Variants in KCNQ3 observed in about 807,000 individuals in gnomAD.
KCNQ3 encodes the protein potassium voltage-gated channel subfamily KQT member 3.
KCNQ3 carries 30 observed loss-of-function variants against 92.5 expected under a neutral mutation model. That is an observed-to-expected ratio of 0.32 (90% CI 0.24 to 0.44). The LOEUF is 0.44. Among genes scored for constraint, KCNQ3 ranks in the 20% least tolerant of loss-of-function variants. KCNQ3 has a pLI of 1.00. For synonymous variants in KCNQ3, 450 were observed against 468.8 expected, an observed-to-expected ratio of 0.96 and a Z score of 0.52; for missense variants, 913 against 1,140.3, an observed-to-expected ratio of 0.80 and a Z score of 2.87.
Position 132,275,993 on chromosome 8 carries a change from C to T in KCNQ3, c.387-89812G>A, listed in dbSNP as rs1295304010. Among the ~76,000 whole-genome samples the T allele has an allele frequency of 4.6e-5, 7 of 152,064 alleles. No homozygotes were observed. In the South Asian group the frequency reaches 1.5e-3, roughly 32 times the overall value. ...CTAGTACAAACTATGATTTACTGAC[C>T]ACTTACTAGGGGTCGCTACACATCA... is the stretch of plus-strand genomic sequence containing the variant. On this transcript the variant is annotated intron_variant, in intron 1 of 14. Transcript: ENST00000388996.
intron 1 of KCNQ3, among the ~76,000 whole-genome samples, chr8:132,337,310 G>C (rs1818390876): frequency 6.6e-6 from 1 of 152,144 alleles, no homozygotes; most frequent in Non-Finnish European, 1.5e-5. Flanking sequence ...GCAATAAAGT[G>C]AGAGCAATAA....
intron 1 of KCNQ3, among the ~76,000 whole-genome samples, chr8:132,333,214 A>G (rs936864481): frequency 2.1e-4 from 32 of 152,354 alleles, no homozygotes; most frequent in Middle Eastern, 3.4e-3. Flanking sequence ...GGCCTAAAGC[A>G]GAGCAAGCCT....
chr8:132,339,448 G>A (rs1818458252), intron 1 of KCNQ3, among the ~76,000 whole-genome samples: 1 of 152,012 alleles, frequency 6.6e-6, no homozygotes, highest in African/African-American at 2.4e-5. Flanking sequence ...ATGTACCATG[G>A]TCAGCTTCTT....
rs528696042 is a variant in KCNQ3, at chr8:132,387,977, A to G, written c.386+92170T>C. Among the ~76,000 whole-genome samples, 708 of 108,252 alleles carry G rather than the reference A, an allele frequency of 6.5e-3. 7 individuals carry two copies. Among genetic ancestry groups the G allele is most frequent in the African/African-American group, 0.027 (623 of 23,026 alleles). 71.0% of individuals were successfully genotyped at this position (108,252 alleles called of 152,430 possible). On this transcript the variant is annotated intron_variant, in intron 1 of 14. Coordinates refer to ENST00000388996, the MANE Select transcript of KCNQ3 (RefSeq NM_004519.4). ...GGAGAAGAAGAAGAAGAAGGAGGAG[A>G]AGAGGAAGAGGAAGAGGAAGAAGAA...
intron 14 of KCNQ3, 84 bp downstream of exon 14, chr8:132,132,096 A>AAAG: frequency 2.0e-6 from 2 of 1,009,474 alleles, no homozygotes; most frequent in Non-Finnish European, 3.1e-6. Flanking sequence ...TTAAAAAAAA[A>AAAG]AAAGAAAGAA....
chr8:132,384,001 A>C (rs1819828616), intron 1 of KCNQ3, among the ~76,000 whole-genome samples: 1 of 148,764 alleles, frequency 6.7e-6, no homozygotes, highest in Non-Finnish European at 1.5e-5. Flanking sequence ...GCACTTTGTC[A>C]GGCCTAACTA....
At chr8:132,200,271 C>T (rs1237300489) in intron 1 of KCNQ3, among the ~76,000 whole-genome samples, 1 of 152,126 alleles carries the variant, frequency 6.6e-6, no homozygotes, top group Non-Finnish European at 1.5e-5. Context: ...CTATGGCATT[C>T]TGCTCATTTT....
At chr8:132,186,588 A>C (rs911879537) in intron 1 of KCNQ3, 3 of 322,178 alleles carry the variant, frequency 9.3e-6, no homozygotes, top group Non-Finnish European at 1.8e-5. Flanking sequence ...AAAATATATG[A>C]AAATGTTTTC....
chr8:132,327,796 C>T (rs569873661), intron 1 of KCNQ3, among the ~76,000 whole-genome samples: 41 of 152,284 alleles, frequency 2.7e-4, no homozygotes, highest in African/African-American at 8.4e-4. Context: ...ATGAAAGGAG[C>T]TTAAATGTGT....
At chr8:132,421,375 A>C (rs1439242945) in intron 1 of KCNQ3, among the ~76,000 whole-genome samples, 1 of 152,248 alleles carries the variant, frequency 6.6e-6, no homozygotes, top group Non-Finnish European at 1.5e-5. Flanking sequence ...CAACGCTGGG[A>C]AATGGGAAAG....
chr8:132,388,052 AAGAAG>A (rs1206215956), intron 1 of KCNQ3, among the ~76,000 whole-genome samples: 7 of 152,072 alleles, frequency 4.6e-5, no homozygotes, highest in Non-Finnish European at 5.9e-5. Flanking sequence ...GAAGAAGAAG[AAGAAG>A]AGAAGAAGAA....
intron 1 of KCNQ3, among the ~76,000 whole-genome samples, chr8:132,467,992 T>C (rs567222813): frequency 6.6e-6 from 1 of 152,334 alleles, no homozygotes; most frequent in Admixed American, 6.5e-5. Context: ...CTCTGTTTCC[T>C]CTTCTCAAAG....
intron 1 of KCNQ3, among the ~76,000 whole-genome samples, chr8:132,468,974 C>T (rs966120408): frequency 6.6e-6 from 1 of 152,250 alleles, no homozygotes; most frequent in Non-Finnish European, 1.5e-5. Context: ...TCTATCACTT[C>T]TGTGGCAGAA....
At chr8:132,154,325 G>A (rs999706264) in intron 9 of KCNQ3, among the ~76,000 whole-genome samples, 2 of 146,162 alleles carry the variant, frequency 1.4e-5, no homozygotes, top group African/African-American at 5.1e-5. Flanking sequence ...ATATTTATAC[G>A]TGTTTTCTAA....
chr8:132,193,388 G>A (rs1026731293), intron 1 of KCNQ3, among the ~76,000 whole-genome samples: 1 of 152,322 alleles, frequency 6.6e-6, no homozygotes, highest in South Asian at 2.1e-4. Context: ...GCTCTAAAGC[G>A]GCAGATGCAG....
chr8:132,431,235 T>C (rs927640258), intron 1 of KCNQ3, among the ~76,000 whole-genome samples: 1 of 152,176 alleles, frequency 6.6e-6, no homozygotes, highest in African/African-American at 2.4e-5. Context: ...ATGTGGACCA[T>C]TCCCATGTGT....
intron 9 of KCNQ3, among the ~76,000 whole-genome samples, chr8:132,159,292 G>A (rs186036408): frequency 1.3e-4 from 20 of 152,156 alleles, no homozygotes; most frequent in East Asian, 1.9e-4. Flanking sequence ...TTGATGTTTC[G>A]TCCCTCATTC....
At chr8:132,155,412 G>A (rs541857777) in intron 9 of KCNQ3, among the ~76,000 whole-genome samples, 50 of 152,078 alleles carry the variant, frequency 3.3e-4, no homozygotes, top group Non-Finnish European at 5.1e-4. Flanking sequence ...AAATAACCCC[G>A]GGCCAAGAAA....
At chr8:132,394,431 A>G (rs1365272300) in intron 1 of KCNQ3, among the ~76,000 whole-genome samples, 1 of 152,204 alleles carries the variant, frequency 6.6e-6, no homozygotes, top group East Asian at 1.9e-4. Context: ...AACAGTGATA[A>G]GAGTGTGACC....
Sources: gnomAD v4.1 joint callset for allele counts (sites outside exome capture counted in the v4.1 genomes callset) on GRCh38, gnomAD v4.1.1 for gene constraint, MANE v1.5 for transcripts, NCBI Gene and HGNC (gene_info 2026-07-23, HGNC 2026-07-21) for gene names.